The following KMO variants were observed in gnomAD, a reference collection of about 807,000 sequenced individuals.
The protein encoded by KMO is kynurenine 3-hydroxylase.
KMO carries 24 observed loss-of-function variants against 57.8 expected under a neutral mutation model. The observed-to-expected ratio is 0.42, with a 90% CI of 0.30 to 0.58. The LOEUF (loss-of-function observed/expected upper bound fraction) is 0.58, where lower values mean the gene tolerates loss of function less well. Among genes scored for constraint, KMO ranks in the 20% least tolerant of loss-of-function variants. The pLI, the probability that KMO is intolerant of heterozygous loss-of-function variation, is 0.22. For missense variants in KMO, 483 were observed against 588.2 expected, an observed-to-expected ratio of 0.82 and a Z score of 1.85; for synonymous variants, 210 against 193.6, an observed-to-expected ratio of 1.08 and a Z score of -0.70.
At chr1:241,590,166 A>G in intron 13 of KMO, 38 bp from the exon 14 acceptor site, 1 of 1,609,634 alleles carries the variant, frequency 6.2e-7, no homozygotes, top group Non-Finnish European at 8.5e-7. Flanking sequence ...TTTAGCTGTT[A>G]AAGAATACAC....
At chr1:241,546,666 G>A (rs1396692130) in intron 1 of KMO, among the ~76,000 whole-genome samples, 1 of 152,124 alleles carries the variant, frequency 6.6e-6, no homozygotes, top group Non-Finnish European at 1.5e-5. Flanking sequence ...CTGGATGGAT[G>A]GCATATCATT....
At chr1:241,561,038 C>T (rs946425332) in intron 6 of KMO, among the ~76,000 whole-genome samples, 8 of 152,110 alleles carry the variant, frequency 5.3e-5, no homozygotes, top group African/African-American at 9.7e-5. Flanking sequence ...CTCAAATATA[C>T]GTGACCCTCC....
chr1:241,553,408 C>A (rs1428281871), intron 4 of KMO, among the ~76,000 whole-genome samples: 1 of 152,174 alleles, frequency 6.6e-6, no homozygotes, highest in Non-Finnish European at 1.5e-5. Flanking sequence ...TAATTTGGGC[C>A]AAGCACAGTG....
intron 10 of KMO, among the ~76,000 whole-genome samples, chr1:241,575,231 T>G (rs1257609545): frequency 6.6e-6 from 1 of 152,038 alleles, no homozygotes. Context: ...TTTTGTCTTG[T>G]TGATCTTTTG....
At chr1:241,579,278 C>A (rs937572742) in intron 10 of KMO, among the ~76,000 whole-genome samples, 1 of 151,996 alleles carries the variant, frequency 6.6e-6, no homozygotes, top group Non-Finnish European at 1.5e-5. Flanking sequence ...CCTTATGTTA[C>A]CTAGGGGAGG....
chr1:241,549,662 C>T lies in KMO; in HGVS notation c.125-15C>T, dbSNP rs1661323909. On this transcript the variant is annotated splice_polypyrimidine_tract_variant and intron_variant, in intron 2 of 14. Transcript: ENST00000366559. ...TAAAGTGTGCGTAACATGGAGTCTGCTTCCAATGTCTCAGATACTCGAGTG... is the reference window on the plus strand; with the variant it reads ...TAAAGTGTGCGTAACATGGAGTCTGTTTCCAATGTCTCAGATACTCGAGTG... 7 of 1,567,940 alleles carry T rather than the reference C, an allele frequency of 4.5e-6. No individual in the cohort carries two copies. The highest frequency in any genetic ancestry group is 2.2e-5 in the East Asian group (1 of 44,590).
At chr1:241,578,554 G>T (rs183912945) in intron 10 of KMO, among the ~76,000 whole-genome samples, 19 of 152,270 alleles carry the variant, frequency 1.2e-4, no homozygotes, top group Admixed American at 1.1e-3. Flanking sequence ...AATGTGACCT[G>T]CCCTTAAGTC....
In KMO at chr1:241,568,639, A is replaced by G; in HGVS notation, c.949A>G (p.Met317Val). Residue 317 changes from methionine to valine, a missense_variant, in exon 10 of 15, where the codon ATG becomes GTG. Met to Val is a conservative substitution (Grantham distance 21). Transcript: ENST00000366559. ...HAIVPFFGQG[M>V]NAGFEDCLVF... ...TATAGTGCCGTTTTTTGGGCAAGGA[A>G]TGAATGCGGTAAGTTCTTTTTCCCT... 6.2e-7 allele frequency: 1 copy of G among 1,613,570 alleles called. No homozygotes were observed. Among genetic ancestry groups the G allele is most frequent in the Non-Finnish European group, 8.5e-7 (1 of 1,179,700 alleles).
At chr1:241,549,592 C>A (rs1197187405) in intron 2 of KMO, 85 bp from the exon 3 acceptor site, 10 of 713,434 alleles carry the variant, frequency 1.4e-5, no homozygotes, top group East Asian at 1.1e-4. Context: ...TCCGAATGAA[C>A]CAGTTGTTCA....
chr1:241,592,209 G>A lies in KMO; in HGVS notation c.*56G>A. 1.8e-5 allele frequency: 24 copies of A among 1,348,076 alleles called. No individual in the cohort carries two copies. Among genetic ancestry groups the A allele is most frequent in the Admixed American group, 1.3e-4 (7 of 52,756 alleles). The allele number at this position is 1,348,076 out of a possible 1,614,324, so 83.5% of individuals were successfully genotyped here. A position where few individuals can be genotyped will look rare whatever the true frequency, so the allele number is the denominator to read the frequency against. ...TTTCTCTGTGACCAAAATTAAGCATGAAAAAAATGTTTCCATTGCCATATT... is the reference window on the plus strand; with the variant it reads ...TTTCTCTGTGACCAAAATTAAGCATAAAAAAAATGTTTCCATTGCCATATT... On this transcript the variant is annotated 3_prime_UTR_variant, in exon 15 of 15. Transcript: ENST00000366559.
intron 10 of KMO, among the ~76,000 whole-genome samples, chr1:241,574,708 G>T (rs924995627): frequency 1.3e-5 from 2 of 151,954 alleles, no homozygotes; most frequent in Non-Finnish European, 2.9e-5. Flanking sequence ...GTTCATCAGG[G>T]ATGTTTGTTG....
At chr1:241,578,929 G>C (rs1032787491) in intron 10 of KMO, among the ~76,000 whole-genome samples, 12 of 151,992 alleles carry the variant, frequency 7.9e-5, no homozygotes, top group Non-Finnish European at 1.8e-4. Context: ...AAGTGAAAGG[G>C]TTTTCCCTTA....
At chr1:241,549,823 C>A in intron 3 of KMO, 49 bp downstream of exon 3, 2 of 1,100,304 alleles carry the variant, frequency 1.8e-6, no homozygotes, top group Non-Finnish European at 1.4e-6. Flanking sequence ...TATTTTTCAA[C>A]AATTGCATGG....
chr1:241,566,663 T>A (rs775586322), intron 9 of KMO, 51 bp downstream of exon 9: 2 of 1,600,112 alleles, frequency 1.2e-6, no homozygotes, highest in South Asian at 2.2e-5. Context: ...TATTCCAAAT[T>A]CAAATAAAGG....
chr1:241,566,267 G>T (rs140538096), intron 8 of KMO, among the ~76,000 whole-genome samples: 60 of 152,154 alleles, frequency 3.9e-4, no homozygotes, highest in Non-Finnish European at 1.5e-5. Flanking sequence ...TTACAATATA[G>T]AAATTGTCCG....
chr1:241,572,254 T>G (rs1001686980), intron 10 of KMO, among the ~76,000 whole-genome samples: 3 of 152,150 alleles, frequency 2.0e-5, no homozygotes, highest in Non-Finnish European at 4.4e-5. Context: ...TTTTTGTTAC[T>G]GCTTCTATCT....
At chr1:241,533,453 G>A (rs1053946344) in intron 1 of KMO, among the ~76,000 whole-genome samples, 6 of 152,150 alleles carry the variant, frequency 3.9e-5, no homozygotes, top group South Asian at 2.1e-4. Flanking sequence ...CTTCCTTAGT[G>A]TCTTTTCCCC....
At chr1:241,554,042 C>T (rs1661509878) in intron 4 of KMO, among the ~76,000 whole-genome samples, 1 of 152,102 alleles carries the variant, frequency 6.6e-6, no homozygotes, top group Admixed American at 6.6e-5. Context: ...AATAGATTCA[C>T]CCTGAATTAC....
chr1:241,539,658 C>T (rs143349137), intron 1 of KMO, among the ~76,000 whole-genome samples: 25 of 152,306 alleles, frequency 1.6e-4, no homozygotes, highest in Admixed American at 4.6e-4. Context: ...GCTCCTCTTA[C>T]GCTCTAGACC....
Sources: allele counts gnomAD v4.1 joint callset (sites outside exome capture counted in the v4.1 genomes callset), GRCh38; gene constraint gnomAD v4.1.1; transcripts MANE v1.5; gene names NCBI Gene and HGNC (gene_info 2026-07-23, HGNC 2026-07-21).